The following ANKRD55 variants were observed in gnomAD, a reference collection of about 807,000 sequenced individuals.
The protein encoded by ANKRD55 is ankyrin repeat domain-containing protein 55.
A neutral mutation model predicts 60.6 loss-of-function variants in ANKRD55; 41 were observed. The observed-to-expected ratio is 0.68, with a 90% CI of 0.53 to 0.88. The LOEUF (loss-of-function observed/expected upper bound fraction) is 0.88. ANKRD55 is among the 40% of genes least tolerant of loss of function. ANKRD55 has a pLI of 0.00. For missense variants in ANKRD55, 732 were observed against 767.6 expected, an observed-to-expected ratio of 0.95 and a Z score of 0.55; for synonymous variants, 264 against 290.3, an observed-to-expected ratio of 0.91 and a Z score of 0.92.
At chr5:56,151,638 C>T (rs780198038) in intron 6 of ANKRD55, among the ~76,000 whole-genome samples, 2 of 151,880 alleles carry the variant, frequency 1.3e-5, no homozygotes, top group Non-Finnish European at 2.9e-5. Flanking sequence ...CCTGGTGAAA[C>T]CCCATCTCCA....
rs1379753720 is a variant in ANKRD55, at chr5:56,192,885, A to G, written c.59-9251T>C. 4.7e-6 allele frequency: 3 copies of G among 644,930 alleles called. No individual in the cohort carries two copies. The East Asian group carries it at 9.1e-5, about 20-fold the overall frequency. 40.0% of individuals were successfully genotyped at this position (644,930 alleles called of 1,614,324 possible). A position where few individuals can be genotyped will look rare whatever the true frequency, so the allele number is the denominator to read the frequency against. On this transcript the variant is annotated intron_variant, in intron 2 of 11. Transcript: ENST00000341048. ...AAACATGTCAAAGCTACATGGGCCC[A>G]GCGTTGTCTAAAAGTATTTTTTATG...
intron 3 of ANKRD55, among the ~76,000 whole-genome samples, chr5:56,180,041 T>C (rs1187529491): frequency 6.6e-6 from 1 of 152,100 alleles, no homozygotes; most frequent in Non-Finnish European, 1.5e-5. Context: ...ATGTCCGAGG[T>C]TGAGGGGCCA....
chr5:56,130,887 G>A (rs1259059653), intron 7 of ANKRD55, among the ~76,000 whole-genome samples: 2 of 152,154 alleles, frequency 1.3e-5, no homozygotes, highest in African/African-American at 4.8e-5. Context: ...ACAGCTGAGG[G>A]AAGAGTCTCT....
intron 9 of ANKRD55, among the ~76,000 whole-genome samples, chr5:56,114,910 T>TATG (rs1474612187): frequency 2.0e-5 from 3 of 152,118 alleles, no homozygotes; most frequent in African/African-American, 7.2e-5. Flanking sequence ...TGTGGCTGGG[T>TATG]ATGATGGCTC....
intron 8 of ANKRD55, among the ~76,000 whole-genome samples, chr5:56,121,373 A>AT (rs1757048301): frequency 8.2e-6 from 1 of 121,630 alleles, no homozygotes; most frequent in Admixed American, 9.5e-5. Flanking sequence ...GTGTTCCACC[A>AT]CTTTTTTTTT....
At chr5:56,201,286 G>T (rs1009652369) in intron 2 of ANKRD55, among the ~76,000 whole-genome samples, 1 of 152,068 alleles carries the variant, frequency 6.6e-6, no homozygotes, top group South Asian at 2.1e-4. Flanking sequence ...CACCACGATG[G>T]CTTCATGGGA....
chr5:56,195,413 G>A (rs1759206448), intron 2 of ANKRD55, among the ~76,000 whole-genome samples: 1 of 151,974 alleles, frequency 6.6e-6, no homozygotes, highest in South Asian at 2.1e-4. Context: ...ATTTTACATG[G>A]CTGTCATGCC....
intron 3 of ANKRD55, among the ~76,000 whole-genome samples, chr5:56,178,245 A>G (rs1366688208): frequency 1.3e-5 from 2 of 150,054 alleles, no homozygotes; most frequent in African/African-American, 4.9e-5. Flanking sequence ...GCTGGAGTGC[A>G]GTGGTGTGAT....
intron 2 of ANKRD55, among the ~76,000 whole-genome samples, chr5:56,212,430 G>C (rs1175395048): frequency 2.0e-5 from 3 of 152,038 alleles, no homozygotes; most frequent in Non-Finnish European, 4.4e-5. Flanking sequence ...GAAGAAATAA[G>C]ACAAATTCTA....
chr5:56,215,815 G>A (rs1057213383), intron 2 of ANKRD55, among the ~76,000 whole-genome samples: 5 of 152,074 alleles, frequency 3.3e-5, no homozygotes, highest in African/African-American at 1.2e-4. Context: ...CACAGTGCCT[G>A]GTACATGGGA....
At chr5:56,109,077 A>ACC (rs767598864) in intron 10 of ANKRD55, among the ~76,000 whole-genome samples, 5 of 140,230 alleles carry the variant, frequency 3.6e-5, no homozygotes, top group African/African-American at 1.0e-4. Context: ...ACACACACAC[A>ACC]CACCCCACCG....
chr5:56,127,637 T>A (rs919879741), intron 7 of ANKRD55: 1 of 915,308 alleles, frequency 1.1e-6, no homozygotes, highest in African/African-American at 1.8e-5. Flanking sequence ...CCAGGGAGCC[T>A]GGGAAGCAGA....
At chr5:56,151,194 T>C (rs1758034180) in intron 6 of ANKRD55, among the ~76,000 whole-genome samples, 1 of 152,110 alleles carries the variant, frequency 6.6e-6, no homozygotes, top group Middle Eastern at 3.2e-3. Context: ...TATCCATAGG[T>C]TTCACAAACA....
chr5:56,168,716 C>G (rs1369194953), intron 5 of ANKRD55, among the ~76,000 whole-genome samples: 4 of 152,118 alleles, frequency 2.6e-5, no homozygotes, highest in Non-Finnish European at 5.9e-5. Flanking sequence ...CTCCTCTTTC[C>G]CCATCTGCAG....
intron 6 of ANKRD55, among the ~76,000 whole-genome samples, chr5:56,150,406 C>T (rs1758010936): frequency 6.6e-6 from 1 of 150,554 alleles, no homozygotes; most frequent in Non-Finnish European, 1.5e-5. Flanking sequence ...AAAATGTTTT[C>T]TAGCCTTGGC....
rs750556710 is a variant in ANKRD55, at chr5:56,111,560, C to G, written c.1188G>C (p.Gln396His). The change falls in exon 10 of 12, where the codon CAG becomes CAC. Residue 396 changes from glutamine to histidine, a missense_variant. Physicochemically the swap from Gln to His is conservative, Grantham distance 24 (BLOSUM62 0). Coordinates refer to ENST00000341048, the MANE Select transcript of ANKRD55 (RefSeq NM_024669.3). ...CAACCATAGCCACCTGATCACCAGG[C>G]TGTTCTTGGCAGTTGGTACCCACGA... ...DSIVGTNCQE[Q>H]PGDQVAMVEF... 1 of 1,611,992 alleles carries G rather than the reference C, an allele frequency of 6.2e-7. No homozygotes were observed. Among genetic ancestry groups the G allele is most frequent in the Non-Finnish European group, 8.5e-7 (1 of 1,179,284 alleles).
intron 2 of ANKRD55, among the ~76,000 whole-genome samples, chr5:56,205,336 T>A (rs897434226): frequency 1.3e-5 from 2 of 152,204 alleles, no homozygotes; most frequent in African/African-American, 4.8e-5. Flanking sequence ...GCTAGGATTA[T>A]AGGTGTGAGC....
chr5:56,119,745 C>T (rs929113722), intron 8 of ANKRD55, among the ~76,000 whole-genome samples: 21 of 148,560 alleles, frequency 1.4e-4, no homozygotes, highest in Non-Finnish European at 3.2e-4. Flanking sequence ...AAAACCCAGT[C>T]TCTACAAAAA....
intron 7 of ANKRD55, chr5:56,127,336 G>T: frequency 1.3e-5 from 13 of 985,264 alleles, no homozygotes; most frequent in Non-Finnish European, 1.6e-5. Flanking sequence ...TCCCACAGGA[G>T]CTAAATTGTC....
Sources: allele counts gnomAD v4.1 joint callset (sites outside exome capture counted in the v4.1 genomes callset), GRCh38; gene constraint gnomAD v4.1.1; transcripts MANE v1.5; gene names NCBI Gene and HGNC (gene_info 2026-07-23, HGNC 2026-07-21).